Variants in KCNN3 observed in about 807,000 individuals in gnomAD.
KCNN3 encodes potassium calcium-activated channel subfamily N member 3.
In KCNN3, 16 loss-of-function variants were observed where a neutral mutation model predicts 62.9. The ratio of observed to expected loss-of-function variants is 0.25; its 90% CI spans 0.17 to 0.39. The LOEUF (loss-of-function observed/expected upper bound fraction) is 0.39. Ranked by LOEUF, KCNN3 falls within the 10% of genes least tolerant of loss-of-function variation. The pLI, the probability that KCNN3 is intolerant of heterozygous loss-of-function variation, is 1.00. For missense variants in KCNN3, 599 were observed against 949.4 expected, an observed-to-expected ratio of 0.63 and a Z score of 4.85; for synonymous variants, 370 against 389.2, an observed-to-expected ratio of 0.95 and a Z score of 0.58.
chr1:154,819,867 G>GA (rs1331438003), intron 2 of KCNN3, among the ~76,000 whole-genome samples: 2 of 152,220 alleles, frequency 1.3e-5, no homozygotes, highest in African/African-American at 4.8e-5. Context: ...AAGGTCACAG[G>GA]AAAGGGACCA....
chr1:154,848,122 G>C (rs1034947627), intron 1 of KCNN3, among the ~76,000 whole-genome samples: 1 of 152,288 alleles, frequency 6.6e-6, no homozygotes, highest in Admixed American at 6.5e-5. Context: ...AGAGTGGCTG[G>C]TGCCGGCTGG....
chr1:154,853,017 G>T (rs1212223854), intron 1 of KCNN3, among the ~76,000 whole-genome samples: 1 of 152,064 alleles, frequency 6.6e-6, no homozygotes, highest in Non-Finnish European at 1.5e-5. Flanking sequence ...TAGAGACAGG[G>T]TTTCACATGT....
chr1:154,780,564 A>C (rs1008043895), intron 2 of KCNN3, among the ~76,000 whole-genome samples: 5 of 124,890 alleles, frequency 4.0e-5, no homozygotes. Context: ...AGATTTTCTT[A>C]AGATATATTA....
intron 2 of KCNN3, among the ~76,000 whole-genome samples, chr1:154,819,400 G>T (rs550021124): frequency 6.6e-6 from 1 of 152,178 alleles, no homozygotes; most frequent in Admixed American, 6.5e-5. Flanking sequence ...ATACTCTGCC[G>T]AGAAGAGTAT....
chr1:154,720,365 A>G (rs1700321078), intron 5 of KCNN3, among the ~76,000 whole-genome samples: 1 of 152,216 alleles, frequency 6.6e-6, no homozygotes, highest in Non-Finnish European at 1.5e-5. Flanking sequence ...TCTTCTGGGG[A>G]GAATTAGCAT....
chr1:154,815,389 C>G (rs1016669618), intron 2 of KCNN3, among the ~76,000 whole-genome samples: 4 of 152,160 alleles, frequency 2.6e-5, no homozygotes, highest in African/African-American at 9.7e-5. Flanking sequence ...GGTCTCTGCT[C>G]CTGGCGAATG....
At chr1:154,736,006 A>G (rs2101796415) in intron 3 of KCNN3, among the ~76,000 whole-genome samples, 1 of 152,348 alleles carries the variant, frequency 6.6e-6, no homozygotes, top group East Asian at 1.9e-4. Context: ...TTCCTGGAAG[A>G]TAAGTCTTGG....
At chr1:154,805,529 T>C (rs943356311) in intron 2 of KCNN3, among the ~76,000 whole-genome samples, 1 of 152,228 alleles carries the variant, frequency 6.6e-6, no homozygotes, top group Admixed American at 6.5e-5. Context: ...CAGTCTCTTC[T>C]CTGCATTATG....
At chr1:154,716,363 A>G (rs1411377751) in intron 5 of KCNN3, among the ~76,000 whole-genome samples, 3 of 152,262 alleles carry the variant, frequency 2.0e-5, no homozygotes, top group African/African-American at 7.2e-5. Context: ...GCCTGGAAAT[A>G]AGTAGGCCAG....
intron 5 of KCNN3, among the ~76,000 whole-genome samples, chr1:154,723,618 G>A (rs1700402430): frequency 6.6e-6 from 1 of 152,120 alleles, no homozygotes; most frequent in South Asian, 2.1e-4. Context: ...TCTACTTGGT[G>A]AAAAATGGAG....
intron 2 of KCNN3, among the ~76,000 whole-genome samples, chr1:154,787,318 G>T (rs1649322309): frequency 6.6e-6 from 1 of 152,184 alleles, no homozygotes; most frequent in African/African-American, 2.4e-5. Flanking sequence ...CCTCCATTTG[G>T]GAGGGAGGGA....
chr1:154,856,733 A>G lies in KCNN3; in HGVS notation c.933+12299T>C, dbSNP rs147351768. Among the ~76,000 whole-genome samples the G allele has an allele frequency of 2.3e-3, 349 of 152,316 alleles. 1 individual carries two copies. Among genetic ancestry groups the G allele is most frequent in the African/African-American group, 8.0e-3 (331 of 41,562 alleles). Reference sequence around the variant, plus strand: ...TCACCCCCATGGAAACTGTGAATCAAAGCACTGAGACAGCTTCCCAAAGCC... The same window carrying G: ...TCACCCCCATGGAAACTGTGAATCAGAGCACTGAGACAGCTTCCCAAAGCC... On this transcript the variant is annotated intron_variant, in intron 1 of 7. Coordinates refer to ENST00000271915, the MANE Select transcript of KCNN3 (RefSeq NM_002249.6).
intron 2 of KCNN3, among the ~76,000 whole-genome samples, chr1:154,799,747 T>A (rs1219952556): frequency 6.6e-6 from 1 of 152,216 alleles, no homozygotes; most frequent in Non-Finnish European, 1.5e-5. Context: ...AGCCAGCTGA[T>A]CGTGGTCTGG....
Position 154,755,329 on chromosome 1 carries a change from C to A in KCNN3, c.1448+16646G>T, listed in dbSNP as rs886598063. ...CAAAAAATTTTTGTATTTAGCCAGG[C>A]ATGGTGGCTTATGCCTGTAGTCCCA... On this transcript the variant is annotated intron_variant, in intron 3 of 7. Coordinates refer to ENST00000271915, the MANE Select transcript of KCNN3 (RefSeq NM_002249.6). 2.0e-5 allele frequency among the ~76,000 whole-genome samples: 3 copies of A among 151,628 alleles called. No homozygotes were observed. In the East Asian group the frequency reaches 5.8e-4, roughly 29 times the overall value.
intron 2 of KCNN3, among the ~76,000 whole-genome samples, chr1:154,778,236 C>T (rs895590555): frequency 6.6e-6 from 1 of 152,148 alleles, no homozygotes; most frequent in African/African-American, 2.4e-5. Context: ...CCAAACTTTC[C>T]TTTAAGGAGC....
intron 3 of KCNN3, among the ~76,000 whole-genome samples, chr1:154,733,734 G>A (rs1290581619): frequency 6.6e-6 from 1 of 152,136 alleles, no homozygotes; most frequent in East Asian, 1.9e-4. Flanking sequence ...ACAGGGGCTT[G>A]TAGCTGCCCC....
At chr1:154,839,722 A>G (rs1259374523) in intron 1 of KCNN3, among the ~76,000 whole-genome samples, 1 of 151,516 alleles carries the variant, frequency 6.6e-6, no homozygotes, top group Non-Finnish European at 1.5e-5. Flanking sequence ...GAGCCTTTCT[A>G]AAGCAGTCCT....
rs780102260 is a variant in KCNN3, at chr1:154,768,182, T to C, written c.1448+3793A>G. Reference sequence around the variant, plus strand: ...CAGGCTGAGAGAGATCAAGGCATCCTGTCCACACTACCCTGGTCTGACGCT... The same window carrying C: ...CAGGCTGAGAGAGATCAAGGCATCCCGTCCACACTACCCTGGTCTGACGCT... On this transcript the variant is annotated intron_variant, in intron 3 of 7. Coordinates refer to ENST00000271915, the MANE Select transcript of KCNN3 (RefSeq NM_002249.6). Among the ~76,000 whole-genome samples, 16 of 152,330 alleles carry C rather than the reference T, an allele frequency of 1.1e-4. No individual in the cohort carries two copies. The South Asian group carries it at 1.2e-3, about 12-fold the overall frequency.
chr1:154,708,485 A>G (rs749779893), intron 7 of KCNN3, among the ~76,000 whole-genome samples: 3 of 152,082 alleles, frequency 2.0e-5, no homozygotes, highest in African/African-American at 7.2e-5. Context: ...ATGAGTATTA[A>G]TGACAGCATT....
Sources: gnomAD v4.1 joint callset for allele counts (sites outside exome capture counted in the v4.1 genomes callset) on GRCh38, gnomAD v4.1.1 for gene constraint, MANE v1.5 for transcripts, NCBI Gene and HGNC (gene_info 2026-07-23, HGNC 2026-07-21) for gene names.